The following GRM5 variants were observed in gnomAD, a reference collection of about 807,000 sequenced individuals.
GRM5 encodes glutamate metabotropic receptor 5, also known as metabotropic glutamate receptor 5.
GRM5 carries 19 observed loss-of-function variants against 83.1 expected under a neutral mutation model. The ratio of observed to expected loss-of-function variants is 0.23; its 90% CI spans 0.16 to 0.34. The LOEUF (loss-of-function observed/expected upper bound fraction) is 0.34. Among genes scored for constraint, GRM5 ranks in the 10% least tolerant of loss-of-function variants. The probability of loss-of-function intolerance (pLI) is 1.00; values close to 1 mark genes in which losing one functional copy is unlikely to be tolerated. For synonymous variants in GRM5, 675 were observed against 633.6 expected, an observed-to-expected ratio of 1.07 and a Z score of -0.98; for missense variants, 1,160 against 1,588.3, an observed-to-expected ratio of 0.73 and a Z score of 4.58.
chr11:88,684,972 A>T (rs1940583137), intron 3 of GRM5, among the ~76,000 whole-genome samples: 3 of 152,274 alleles, frequency 2.0e-5, no homozygotes, highest in East Asian at 3.9e-4. Flanking sequence ...ATTATAATAA[A>T]TTGGTACCAA....
At chr11:88,790,492 G>C (rs947868439) in intron 3 of GRM5, among the ~76,000 whole-genome samples, 6 of 152,146 alleles carry the variant, frequency 3.9e-5, no homozygotes, top group African/African-American at 1.4e-4. Flanking sequence ...TTTACCATGT[G>C]AGTGTTACAA....
At chr11:88,587,020 G>C (rs916644995) in intron 7 of GRM5, among the ~76,000 whole-genome samples, 1 of 152,112 alleles carries the variant, frequency 6.6e-6, no homozygotes, top group Non-Finnish European at 1.5e-5. Context: ...CGTATTTACC[G>C]AAAGCTTACT....
At chr11:88,842,528 C>T (rs1944221418) in intron 3 of GRM5, among the ~76,000 whole-genome samples, 1 of 152,174 alleles carries the variant, frequency 6.6e-6, no homozygotes, top group Admixed American at 6.5e-5. Context: ...CTCAATAAAT[C>T]CAAATGGCCA....
intron 9 of GRM5, among the ~76,000 whole-genome samples, chr11:88,517,128 T>TACACACACAC (rs60251358): frequency 8.8e-5 from 13 of 148,074 alleles, no homozygotes; most frequent in African/African-American, 3.2e-4. Flanking sequence ...TTGGCTTCTG[T>TACACACACAC]ACACACACAC....
intron 2 of GRM5, among the ~76,000 whole-genome samples, chr11:89,013,330 C>A (rs1442246887): frequency 2.6e-5 from 4 of 152,096 alleles, no homozygotes; most frequent in Non-Finnish European, 5.9e-5. Context: ...ATAATCTTGT[C>A]TTTATGAGAA....
intron 4 of GRM5, among the ~76,000 whole-genome samples, chr11:88,614,158 C>T (rs1293332281): frequency 6.6e-6 from 1 of 152,058 alleles, no homozygotes; most frequent in Admixed American, 6.6e-5. Flanking sequence ...TTTTATTTTT[C>T]TCTCTTTTGA....
At chr11:88,977,575 T>A (rs1417015452) in intron 2 of GRM5, among the ~76,000 whole-genome samples, 2 of 152,200 alleles carry the variant, frequency 1.3e-5, no homozygotes, top group Non-Finnish European at 2.9e-5. Flanking sequence ...TCCAAAGTAT[T>A]ATCTACTTGC....
intron 3 of GRM5, among the ~76,000 whole-genome samples, chr11:88,791,073 G>A (rs561403266): frequency 1.9e-4 from 29 of 152,252 alleles, no homozygotes; most frequent in African/African-American, 5.3e-4. Flanking sequence ...CAGTGTGAAC[G>A]CAGAGGAATG....
At chr11:88,640,806 C>T (rs529352320) in intron 4 of GRM5, among the ~76,000 whole-genome samples, 15 of 152,260 alleles carry the variant, frequency 9.9e-5, no homozygotes, top group East Asian at 7.7e-4. Context: ...GGAGCTTCCA[C>T]GCTCTCCCTG....
At chr11:88,807,851 C>T (rs190909715) in intron 3 of GRM5, among the ~76,000 whole-genome samples, 7 of 151,984 alleles carry the variant, frequency 4.6e-5, no homozygotes, top group African/African-American at 1.2e-4. Context: ...CTGAGTTATA[C>T]GTATTAGTCA....
At chr11:88,911,854 C>T (rs1393955103) in intron 2 of GRM5, 8 of 361,124 alleles carry the variant, frequency 2.2e-5, no homozygotes, top group Non-Finnish European at 4.0e-5. Flanking sequence ...CATCTGTGCA[C>T]AGTTTTATTT....
At chr11:88,602,071 A>ATTTT (rs58865828) in intron 5 of GRM5, among the ~76,000 whole-genome samples, 1 of 151,258 alleles carries the variant, frequency 6.6e-6, no homozygotes. Flanking sequence ...GAGCTCTGAA[A>ATTTT]TTTTTTTTTC....
At chr11:89,049,348 T>C in intron 1 of GRM5, among the ~76,000 whole-genome samples, 1 of 152,194 alleles carries the variant, frequency 6.6e-6, no homozygotes, top group East Asian at 1.9e-4. Flanking sequence ...TAAAAGAGAA[T>C]TGACAAATTA....
chr11:88,743,994 G>A (rs6483413), intron 3 of GRM5, among the ~76,000 whole-genome samples: 70,204 of 151,962 alleles, frequency 0.46, 18,503 homozygotes, highest in South Asian at 0.77. Context: ...TGATACAAAG[G>A]TTGCTGAACA....
intron 3 of GRM5, among the ~76,000 whole-genome samples, chr11:88,687,161 C>G (rs1175449086): frequency 6.6e-6 from 1 of 151,872 alleles, no homozygotes; most frequent in Non-Finnish European, 1.5e-5. Context: ...GTAGGAAAAT[C>G]ATTCAGAAGT....
chr11:88,803,283 G>T (rs71469216), intron 3 of GRM5, among the ~76,000 whole-genome samples: 2 of 151,158 alleles, frequency 1.3e-5, no homozygotes, highest in Non-Finnish European at 3.0e-5. Context: ...TGACTTCAAA[G>T]TATACTACAA....
chr11:89,035,646 A>G (rs1941366881), intron 2 of GRM5, among the ~76,000 whole-genome samples: 1 of 152,004 alleles, frequency 6.6e-6, no homozygotes, highest in Non-Finnish European at 1.5e-5. Flanking sequence ...ACTTTCAGGT[A>G]GTATTAATAA....
chr11:88,706,856 T>G (rs941162655), intron 3 of GRM5, among the ~76,000 whole-genome samples: 8 of 152,012 alleles, frequency 5.3e-5, no homozygotes, highest in African/African-American at 1.9e-4. Context: ...TTAAAGGAGG[T>G]GGTACTTAGT....
chr11:88,770,346 A>T (rs1035279534), intron 3 of GRM5, among the ~76,000 whole-genome samples: 17 of 152,140 alleles, frequency 1.1e-4, no homozygotes, highest in Non-Finnish European at 1.9e-4. Context: ...CTCTTACTAA[A>T]TAATTATGTA....
Sources: allele counts gnomAD v4.1 joint callset (sites outside exome capture counted in the v4.1 genomes callset), GRCh38; gene constraint gnomAD v4.1.1; transcripts MANE v1.5; gene names NCBI Gene and HGNC (gene_info 2026-07-23, HGNC 2026-07-21).